PPP3CA: variants seen among roughly 807,000 people sequenced by gnomAD.
PPP3CA encodes the protein protein phosphatase 3 catalytic subunit alpha.
PPP3CA carries 14 observed loss-of-function variants against 66.5 expected under a neutral mutation model. The ratio of observed to expected loss-of-function variants is 0.21; its 90% CI spans 0.14 to 0.33. PPP3CA has a LOEUF of 0.33. Among genes scored for constraint, PPP3CA ranks in the 10% least tolerant of loss-of-function variants. The probability of loss-of-function intolerance (pLI) is 1.00; values close to 1 mark genes in which losing one functional copy is unlikely to be tolerated. For synonymous variants in PPP3CA, 232 were observed against 226.2 expected, an observed-to-expected ratio of 1.03 and a Z score of -0.23; for missense variants, 317 against 639.5, an observed-to-expected ratio of 0.50 and a Z score of 5.44.
intron 2 of PPP3CA, among the ~76,000 whole-genome samples, chr4:101,165,975 TA>T (rs561864313): frequency 1.3e-3 from 200 of 152,286 alleles, no homozygotes; most frequent in Admixed American, 2.8e-3. Flanking sequence ...ATCAGTTAAG[TA>T]AAAATTTAAG....
intron 2 of PPP3CA, among the ~76,000 whole-genome samples, chr4:101,183,353 C>G (rs892416727): frequency 3.3e-5 from 5 of 152,120 alleles, no homozygotes; most frequent in Admixed American, 6.6e-5. Flanking sequence ...GTAACACATG[C>G]TACTTTTCCT....
intron 1 of PPP3CA, among the ~76,000 whole-genome samples, chr4:101,293,143 G>A (rs1446024591): frequency 6.6e-6 from 1 of 152,158 alleles, no homozygotes; most frequent in Non-Finnish European, 1.5e-5. Context: ...GTGGTCAATG[G>A]GCAAGTGCAT....
At chr4:101,086,593 T>C (rs973048148) in intron 6 of PPP3CA, among the ~76,000 whole-genome samples, 7 of 152,136 alleles carry the variant, frequency 4.6e-5, no homozygotes, top group African/African-American at 1.7e-4. Flanking sequence ...CCCTGTGCAG[T>C]TTTTCCTCCT....
intron 1 of PPP3CA, among the ~76,000 whole-genome samples, chr4:101,297,264 T>C (rs1295374672): frequency 1.3e-5 from 2 of 152,184 alleles, no homozygotes; most frequent in African/African-American, 4.8e-5. Context: ...CAGATGAAAA[T>C]AAATATTATC....
At chr4:101,273,618 C>A (rs1021260332) in intron 1 of PPP3CA, among the ~76,000 whole-genome samples, 1 of 152,172 alleles carries the variant, frequency 6.6e-6, no homozygotes, top group South Asian at 2.1e-4. Flanking sequence ...AGCCACCACA[C>A]CTGGCCTTTA....
At chr4:101,107,397 T>C (rs1331326891) in intron 3 of PPP3CA, among the ~76,000 whole-genome samples, 2 of 152,230 alleles carry the variant, frequency 1.3e-5, no homozygotes, top group Non-Finnish European at 2.9e-5. Flanking sequence ...GAATGTATGT[T>C]ACATTTCTTT....
At chr4:101,029,092 A>G (rs1726799386) in intron 13 of PPP3CA, 74 bp downstream of exon 13, 2 of 1,428,278 alleles carry the variant, frequency 1.4e-6, no homozygotes, top group Non-Finnish European at 2.0e-6. Context: ...TACAAGCTAC[A>G]GCAAAAAAAT....
intron 1 of PPP3CA, among the ~76,000 whole-genome samples, chr4:101,327,558 C>T (rs1418639485): frequency 6.6e-6 from 1 of 151,470 alleles, no homozygotes; most frequent in African/African-American, 2.4e-5. Context: ...ACTTGGTTCC[C>T]ATGTACTACC....
At chr4:101,263,524 A>G (rs1456966516) in intron 1 of PPP3CA, among the ~76,000 whole-genome samples, 3 of 152,156 alleles carry the variant, frequency 2.0e-5, no homozygotes. Context: ...CTTACTGTCA[A>G]TTAAGGTAAC....
intron 1 of PPP3CA, among the ~76,000 whole-genome samples, chr4:101,281,959 A>G (rs1246276491): frequency 6.6e-6 from 1 of 152,198 alleles, no homozygotes; most frequent in East Asian, 1.9e-4. Flanking sequence ...GTTAGACCTC[A>G]GGGGGCCTAT....
intron 1 of PPP3CA, among the ~76,000 whole-genome samples, chr4:101,252,203 T>C (rs1171876760): frequency 6.6e-6 from 1 of 152,206 alleles, no homozygotes; most frequent in Non-Finnish European, 1.5e-5. Context: ...AGTTTGATTC[T>C]AAAGTCCATG....
chr4:101,274,361 T>A lies in PPP3CA; in HGVS notation c.58+72378A>T, dbSNP rs1727426146. Among the ~76,000 whole-genome samples, 4 of 152,334 alleles carry A rather than the reference T, an allele frequency of 2.6e-5. No homozygotes were observed. The Middle Eastern group carries it at 0.014, about 518-fold the overall frequency. On this transcript the variant is annotated intron_variant, in intron 1 of 13. Coordinates refer to ENST00000394854, the MANE Select transcript of PPP3CA (RefSeq NM_000944.5). ...TAACATAGATGAGAAAATATGTTCA[T>A]GTCTCAAATTATTTTGAGTCTTTAC...
In PPP3CA at chr4:101,026,042, T is replaced by C. The variant is rs200900879; in HGVS notation, c.1389A>G (p.Pro463=). Residue 463 remains proline (P), a synonymous_variant, in exon 14 of 14, where the codon CCA becomes CCG. Transcript: ENST00000394854. ...CCTCGAAGCTAGTGATCTTATGTTG[T>C]GGTGAAAATCCTTTGATAGCTAAAC... ...EADEAIKGFS[P]QHKITSFEEA... is the part of the protein sequence containing the mutation. The C allele has an allele frequency of 7.0e-5, 112 of 1,597,252 alleles. No homozygotes were observed. The highest frequency in any genetic ancestry group is 9.2e-5 in the Non-Finnish European group (108 of 1,174,118).
At chr4:101,113,498 G>C (rs946617415) in intron 2 of PPP3CA, among the ~76,000 whole-genome samples, 1 of 152,044 alleles carries the variant, frequency 6.6e-6, no homozygotes, top group Non-Finnish European at 1.5e-5. Flanking sequence ...TGAAAGAATC[G>C]TAAGTGATTG....
At chr4:101,055,652 G>A (rs1432239377) in intron 10 of PPP3CA, among the ~76,000 whole-genome samples, 1 of 152,050 alleles carries the variant, frequency 6.6e-6, no homozygotes, top group Non-Finnish European at 1.5e-5. Context: ...TCATGACATG[G>A]TTTCCTATCC....
At chr4:101,236,106 A>G (rs1726120780) in intron 1 of PPP3CA, among the ~76,000 whole-genome samples, 2 of 151,952 alleles carry the variant, frequency 1.3e-5, no homozygotes, top group African/African-American at 4.8e-5. Context: ...TAAAGAACCT[A>G]CGTAACAAAT....
At chr4:101,052,119 AG>A (rs1169416411) in intron 10 of PPP3CA, among the ~76,000 whole-genome samples, 2 of 152,214 alleles carry the variant, frequency 1.3e-5, no homozygotes, top group East Asian at 3.9e-4. Context: ...GTGCAATCAT[AG>A]TAGTACAATA....
At chr4:101,278,928 T>C (rs1329816482) in intron 1 of PPP3CA, among the ~76,000 whole-genome samples, 4 of 152,204 alleles carry the variant, frequency 2.6e-5, no homozygotes, top group African/African-American at 9.7e-5. Context: ...CTATATTCTA[T>C]GCAGGCCCAT....
chr4:101,296,491 C>T (rs1017135089), intron 1 of PPP3CA, among the ~76,000 whole-genome samples: 1 of 152,112 alleles, frequency 6.6e-6, no homozygotes, highest in African/African-American at 2.4e-5. Context: ...TATTCTACTA[C>T]ACTCCATATT....
Sources: gnomAD v4.1 joint callset for allele counts (sites outside exome capture counted in the v4.1 genomes callset) on GRCh38, gnomAD v4.1.1 for gene constraint, MANE v1.5 for transcripts, NCBI Gene and HGNC (gene_info 2026-07-23, HGNC 2026-07-21) for gene names.